DNAH12: variants seen among roughly 807,000 people sequenced by gnomAD.
DNAH12 encodes dynein axonemal heavy chain 12, also known as axonemal beta dynein heavy chain 12.
Under a neutral mutation model 371.5 loss-of-function variants are expected in DNAH12, and 285 were observed. The ratio of observed to expected loss-of-function variants is 0.77; its 90% CI spans 0.70 to 0.85. DNAH12 has a LOEUF of 0.85. DNAH12 is among the 40% of genes least tolerant of loss of function. The pLI, the probability that DNAH12 is intolerant of heterozygous loss-of-function variation, is 0.00. For synonymous variants in DNAH12, 1,200 were observed against 1,213.0 expected (o/e 0.99, Z 0.22); for missense variants, 3,611 against 3,689.4 (o/e 0.98, Z 0.55).
intron 49 of DNAH12, among the ~76,000 whole-genome samples, 186 bp downstream of exon 49, chr3:57,384,643 C>T (rs2063465676): frequency 1.3e-5 from 2 of 151,672 alleles, no homozygotes; most frequent in Non-Finnish European, 2.9e-5. Context: ...GACTCTGTCT[C>T]AAAAAATAAA....
intron 59 of DNAH12, among the ~76,000 whole-genome samples, chr3:57,353,140 C>T (rs2062721812): frequency 1.7e-5 from 1 of 58,606 alleles, no homozygotes; most frequent in Non-Finnish European, 3.7e-5. Context: ...AATATAGTTA[C>T]TGGGTGGAGT....
intron 18 of DNAH12, 136 bp from the exon 19 acceptor site, chr3:57,461,825 A>G (rs1036272932): frequency 1.3e-5 from 9 of 707,474 alleles, no homozygotes; most frequent in Non-Finnish European, 1.4e-5. Context: ...TGAGTACAGT[A>G]TAACTTTTTA....
chr3:57,525,161 A>G (rs2068595688), intron 2 of DNAH12, among the ~76,000 whole-genome samples: 1 of 149,732 alleles, frequency 6.7e-6, no homozygotes, highest in Admixed American at 6.6e-5. Context: ...AAACAAAAAA[A>G]AAAAAAAAAA....
chr3:57,448,766 C>G (rs1441812085), intron 25 of DNAH12, among the ~76,000 whole-genome samples: 2 of 152,104 alleles, frequency 1.3e-5, no homozygotes, highest in Non-Finnish European at 2.9e-5. Flanking sequence ...CTCCACGTCC[C>G]CATCAGATTA....
intron 43 of DNAH12, among the ~76,000 whole-genome samples, chr3:57,397,993 T>A (rs2063780287): frequency 1.3e-5 from 2 of 152,014 alleles, no homozygotes; most frequent in South Asian, 4.2e-4. Flanking sequence ...TAGCAAAAAA[T>A]TTAAAATAAC....
At chr3:57,311,462 T>G (rs1011120042) in intron 66 of DNAH12, among the ~76,000 whole-genome samples, 2 of 152,222 alleles carry the variant, frequency 1.3e-5, no homozygotes, top group African/African-American at 4.8e-5. Context: ...AGAAAAACAT[T>G]TAATAAAAAA....
intron 65 of DNAH12, among the ~76,000 whole-genome samples, chr3:57,320,129 G>T (rs1002910049): frequency 1.3e-5 from 2 of 152,178 alleles, no homozygotes; most frequent in Non-Finnish European, 1.5e-5. Flanking sequence ...AATTCCAGAA[G>T]TAGGGCACTG....
intron 4 of DNAH12, among the ~76,000 whole-genome samples, chr3:57,520,986 C>A (rs1156799098): frequency 2.2e-5 from 3 of 134,634 alleles, no homozygotes; most frequent in Admixed American, 9.1e-5. Context: ...ATTGCTTGAT[C>A]TGGGGAGGTG....
chr3:57,514,158 C>A (rs2068097845), intron 4 of DNAH12, among the ~76,000 whole-genome samples: 1 of 152,132 alleles, frequency 6.6e-6, no homozygotes, highest in African/African-American at 2.4e-5. Flanking sequence ...CTTTGGGAGG[C>A]TGAGGCGGGC....
intron 23 of DNAH12, 120 bp downstream of exon 23, chr3:57,454,655 A>G: frequency 7.5e-7 from 1 of 1,341,434 alleles, no homozygotes; most frequent in Non-Finnish European, 1.0e-6. Flanking sequence ...GGATTTCTTG[A>G]GGCCAGGAGT....
chr3:57,433,746 G>C lies in DNAH12; in HGVS notation c.4738C>G (p.His1580Asp). ...ACCTTTTCTTCCTCTCCATAGCCAT[G>C]TTCATTCATTAAAGTTAGCGTATCC... ...LADTLTLMNE[H>D]GYGEEEKVIY... Residue 1580 changes from histidine (H) to aspartate (D), a missense_variant, in exon 31 of 74, where the codon CAT becomes GAT. Physicochemically the swap from His to Asp is moderately conservative, Grantham distance 81. Transcript: ENST00000495027. 1 of 1,551,356 alleles carries C rather than the reference G, an allele frequency of 6.4e-7. No homozygotes were observed. Among genetic ancestry groups the C allele is most frequent in the Non-Finnish European group, 8.7e-7 (1 of 1,146,908 alleles).
intron 13 of DNAH12, among the ~76,000 whole-genome samples, chr3:57,473,664 G>T (rs1034965699): frequency 6.7e-6 from 1 of 149,024 alleles, no homozygotes. Context: ...TGAGGTTTTT[G>T]ATTTTATATT....
At chr3:57,297,128 C>G in intron 70 of DNAH12, 144 bp from the exon 71 acceptor site, 1 of 817,898 alleles carries the variant, frequency 1.2e-6, no homozygotes, top group South Asian at 1.9e-5. Flanking sequence ...AAACACACAG[C>G]CTACCTTGGC....
chr3:57,509,433 C>T (rs1422153016), intron 5 of DNAH12, among the ~76,000 whole-genome samples: 1 of 152,128 alleles, frequency 6.6e-6, no homozygotes, highest in Admixed American at 6.6e-5. Flanking sequence ...CAGTTTTTCA[C>T]ATTCCATCTA....
intron 55 of DNAH12, among the ~76,000 whole-genome samples, chr3:57,371,251 T>C (rs2063163903): frequency 1.3e-5 from 2 of 152,170 alleles, no homozygotes; most frequent in African/African-American, 4.8e-5. Context: ...GTTTAGTTTT[T>C]TTTATTCTTG....
intron 11 of DNAH12, among the ~76,000 whole-genome samples, chr3:57,494,219 G>A (rs891765758): frequency 6.6e-6 from 1 of 152,078 alleles, no homozygotes; most frequent in South Asian, 2.1e-4. Context: ...ATAACAGAGT[G>A]AGACCCTGTC....
chr3:57,445,758 G>T (rs1165331457), intron 27 of DNAH12, among the ~76,000 whole-genome samples: 2 of 152,044 alleles, frequency 1.3e-5, no homozygotes, highest in Admixed American at 6.6e-5. Flanking sequence ...GGAGGCTGAG[G>T]CGGGCGAATC....
intron 25 of DNAH12, among the ~76,000 whole-genome samples, chr3:57,448,401 A>G (rs534706762): frequency 6.6e-6 from 1 of 151,964 alleles, no homozygotes; most frequent in Non-Finnish European, 1.5e-5. Flanking sequence ...GAGAAGCTGC[A>G]GACCTTCGCC....
intron 49 of DNAH12, among the ~76,000 whole-genome samples, chr3:57,383,107 T>C (rs953565480): frequency 6.6e-6 from 1 of 152,160 alleles, no homozygotes; most frequent in South Asian, 2.1e-4. Flanking sequence ...GGCTTCCTAC[T>C]CAGAGAGACA....
Sources: gnomAD v4.1 joint callset for allele counts (sites outside exome capture counted in the v4.1 genomes callset) on GRCh38, gnomAD v4.1.1 for gene constraint, MANE v1.5 for transcripts, NCBI Gene and HGNC (gene_info 2026-07-23, HGNC 2026-07-21) for gene names.